The following PRKG1 variants were observed in gnomAD, a reference collection of about 807,000 sequenced individuals.
The protein encoded by PRKG1 is protein kinase cGMP-dependent 1, also known as cGMP-dependent protein kinase 1.
A neutral mutation model predicts 88.1 loss-of-function variants in PRKG1; 35 were observed. The observed-to-expected ratio is 0.40, with a 90% CI of 0.30 to 0.53. PRKG1 has a LOEUF of 0.53. PRKG1 is among the 20% of genes least tolerant of loss of function. The pLI, the probability that PRKG1 is intolerant of heterozygous loss-of-function variation, is 0.59. For synonymous variants in PRKG1, 303 were observed against 292.5 expected, an observed-to-expected ratio of 1.04 and a Z score of -0.37; for missense variants, 540 against 839.8, an observed-to-expected ratio of 0.64 and a Z score of 4.41.
At chr10:52,281,338 C>A (rs941700797) in intron 13 of PRKG1, among the ~76,000 whole-genome samples, 3 of 152,014 alleles carry the variant, frequency 2.0e-5, no homozygotes, top group African/African-American at 4.8e-5. Context: ...GCTTTACAGG[C>A]AATGCTAGCC....
chr10:51,196,787 T>TA (rs1837778700), intron 2 of PRKG1, among the ~76,000 whole-genome samples: 1 of 152,206 alleles, frequency 6.6e-6, no homozygotes, highest in Admixed American at 6.5e-5. Flanking sequence ...TTTGTACTCT[T>TA]AAACAGCTCA....
intron 2 of PRKG1, among the ~76,000 whole-genome samples, chr10:51,187,772 T>C (rs1179058982): frequency 2.0e-5 from 3 of 152,012 alleles, no homozygotes; most frequent in Non-Finnish European, 2.9e-5. Context: ...ATAGCTGATA[T>C]AAAGTTTAGA....
chr10:51,266,325 G>A (rs1400212610), intron 2 of PRKG1, among the ~76,000 whole-genome samples: 1 of 152,184 alleles, frequency 6.6e-6, no homozygotes, highest in Non-Finnish European at 1.5e-5. Flanking sequence ...TGATTGAAAG[G>A]AGTAGCAACA....
intron 2 of PRKG1, among the ~76,000 whole-genome samples, chr10:51,452,645 T>C (rs575941443): frequency 6.6e-6 from 1 of 152,184 alleles, no homozygotes; most frequent in South Asian, 2.1e-4. Context: ...TAAAACCCAC[T>C]TGATCATGGT....
chr10:51,409,201 G>C (rs1838006657), intron 2 of PRKG1, among the ~76,000 whole-genome samples: 1 of 152,160 alleles, frequency 6.6e-6, no homozygotes, highest in African/African-American at 2.4e-5. Context: ...TGCATATCGT[G>C]AAGAACCATC....
At chr10:51,441,687 A>G (rs1040908295) in intron 2 of PRKG1, among the ~76,000 whole-genome samples, 8 of 151,876 alleles carry the variant, frequency 5.3e-5, no homozygotes, top group Non-Finnish European at 1.0e-4. Context: ...TATCCTACCA[A>G]GTTATTGAAC....
chr10:52,183,605 C>T lies in PRKG1; in HGVS notation c.1076+21642C>T, dbSNP rs114775468. Among the ~76,000 whole-genome samples the T allele has an allele frequency of 2.2e-3, 337 of 152,272 alleles. 1 individual carries two copies. The highest frequency in any genetic ancestry group is 7.1e-3 in the African/African-American group (296 of 41,554). ...CACAGCTTGGGTTATGGCATTCAGC[C>T]ACCCATGTGGGCTTGGTGTAATGAA... is the stretch of plus-strand genomic sequence containing the variant. On this transcript the variant is annotated intron_variant, in intron 9 of 17. Transcript: ENST00000373980.
At chr10:51,798,245 AC>A (rs1193762329) in intron 3 of PRKG1, among the ~76,000 whole-genome samples, 1 of 152,052 alleles carries the variant, frequency 6.6e-6, no homozygotes, top group African/African-American at 2.4e-5. Context: ...CAGTGGCTGC[AC>A]CATCTTATAT....
chr10:51,236,124 C>G (rs1564649585), intron 2 of PRKG1, among the ~76,000 whole-genome samples: 2 of 152,100 alleles, frequency 1.3e-5, no homozygotes, highest in African/African-American at 2.4e-5. Flanking sequence ...AATTTTAGTT[C>G]CAGAGTATGA....
At chr10:51,354,999 A>T (rs1305202005) in intron 2 of PRKG1, among the ~76,000 whole-genome samples, 1 of 152,066 alleles carries the variant, frequency 6.6e-6, no homozygotes, top group Non-Finnish European at 1.5e-5. Flanking sequence ...AGATGCATAA[A>T]TTAGAGTCTG....
At chr10:51,864,414 A>T (rs1407454729) in intron 4 of PRKG1, among the ~76,000 whole-genome samples, 3 of 152,216 alleles carry the variant, frequency 2.0e-5, no homozygotes, top group Admixed American at 6.5e-5. Flanking sequence ...TAATTTTAAA[A>T]AGTTTGGAAT....
intron 5 of PRKG1, among the ~76,000 whole-genome samples, chr10:52,015,606 C>T (rs566436399): frequency 5.2e-4 from 79 of 152,306 alleles, no homozygotes; most frequent in East Asian, 1.4e-3. Context: ...TGAATTTCTC[C>T]GCAGAAAATA....
At chr10:51,658,331 AC>A (rs1332486831) in intron 3 of PRKG1, among the ~76,000 whole-genome samples, 1 of 152,098 alleles carries the variant, frequency 6.6e-6, no homozygotes, top group African/African-American at 2.4e-5. Flanking sequence ...GAAGGCAGTC[AC>A]CTAGATTAAA....
chr10:52,059,721 C>A (rs1295664240), intron 6 of PRKG1, among the ~76,000 whole-genome samples: 1 of 151,302 alleles, frequency 6.6e-6, no homozygotes, highest in Non-Finnish European at 1.5e-5. Context: ...ACAAATCTAT[C>A]CATGTGTTTA....
intron 3 of PRKG1, among the ~76,000 whole-genome samples, chr10:51,691,004 C>A (rs1034280370): frequency 1.4e-5 from 2 of 143,246 alleles, no homozygotes; most frequent in African/African-American, 5.1e-5. Flanking sequence ...GAGCTGTTAA[C>A]ATTTAATATC....
At chr10:51,824,757 C>T (rs771475985) in intron 4 of PRKG1, among the ~76,000 whole-genome samples, 1 of 152,002 alleles carries the variant, frequency 6.6e-6, no homozygotes, top group Non-Finnish European at 1.5e-5. Context: ...AGGTGCCAGG[C>T]TCCTTTGAAC....
rs985398734 is a variant in PRKG1, at chr10:51,223,014, CGGG to C, written c.478+69688_478+69690del. Reference sequence around the variant, plus strand: ...TGTTACTCAGTGTGTTTGTGTGTGGCGGGGGGTGGTGCGGGGGAGGGTAAGGGC... The same window carrying C: ...TGTTACTCAGTGTGTTTGTGTGTGGCGGGTGGTGCGGGGGAGGGTAAGGGC... On this transcript the variant is annotated intron_variant, in intron 2 of 17. Coordinates refer to ENST00000373980, the MANE Select transcript of PRKG1 (RefSeq NM_006258.4). 9.7e-5 allele frequency among the ~76,000 whole-genome samples: 14 copies of C among 144,296 alleles called. No homozygotes were observed. The Middle Eastern group carries it at 0.01, about 107-fold the overall frequency. The allele number at this position is 144,296 out of a possible 152,430, so 94.7% of individuals were successfully genotyped here.
chr10:51,724,145 A>G (rs1019646180), intron 3 of PRKG1, among the ~76,000 whole-genome samples: 4 of 152,108 alleles, frequency 2.6e-5, no homozygotes, highest in Non-Finnish European at 4.4e-5. Flanking sequence ...AAATACAAGA[A>G]ATCTCCCCTG....
intron 9 of PRKG1, among the ~76,000 whole-genome samples, chr10:52,248,173 C>T (rs1224833490): frequency 1.3e-5 from 2 of 152,206 alleles, no homozygotes; most frequent in East Asian, 3.8e-4. Context: ...GCCCTCATTC[C>T]TGTAAACCCA....
Sources: allele counts gnomAD v4.1 joint callset (sites outside exome capture counted in the v4.1 genomes callset), GRCh38; gene constraint gnomAD v4.1.1; transcripts MANE v1.5; gene names NCBI Gene and HGNC (gene_info 2026-07-23, HGNC 2026-07-21).